The following IRF2 variants were observed in gnomAD, a reference collection of about 807,000 sequenced individuals.
The protein encoded by IRF2 is interferon regulatory factor 2.
In IRF2, 15 loss-of-function variants were observed where a neutral mutation model predicts 40.6. The observed-to-expected ratio is 0.37, with a 90% CI of 0.25 to 0.57. IRF2 has a LOEUF of 0.57. Among genes scored for constraint, IRF2 ranks in the 20% least tolerant of loss-of-function variants. The pLI is 0.77. For synonymous variants in IRF2, 151 were observed against 165.5 expected (o/e 0.91, Z 0.67); for missense variants, 317 against 455.7 (o/e 0.70, Z 2.77).
intron 1 of IRF2, 58 bp from the exon 2 acceptor site, chr4:184,429,128 T>C: frequency 7.4e-7 from 1 of 1,343,340 alleles, no homozygotes; most frequent in Non-Finnish European, 1.1e-6. Context: ...GTGTCTGCAC[T>C]GCAGAGTTCT....
chr4:184,456,081 G>C (rs1738913792), intron 1 of IRF2, among the ~76,000 whole-genome samples: 1 of 152,192 alleles, frequency 6.6e-6, no homozygotes, highest in Admixed American at 6.5e-5. Flanking sequence ...GTGGGTGCCT[G>C]CCCTGCGGCC....
chr4:184,463,707 A>G (rs115520993), intron 1 of IRF2, among the ~76,000 whole-genome samples: 5,518 of 152,062 alleles, frequency 0.036, 135 homozygotes, highest in Non-Finnish European at 0.043. Flanking sequence ...TGAACTCATA[A>G]TGGTCATGCC....
At chr4:184,451,991 A>T (rs1738730428) in intron 1 of IRF2, among the ~76,000 whole-genome samples, 1 of 152,250 alleles carries the variant, frequency 6.6e-6, no homozygotes, top group Admixed American at 6.5e-5. Flanking sequence ...GCACCAATAA[A>T]AACATACACA....
At chr4:184,404,960 A>G (rs1736798131) in intron 6 of IRF2, among the ~76,000 whole-genome samples, 1 of 152,194 alleles carries the variant, frequency 6.6e-6, no homozygotes, top group Non-Finnish European at 1.5e-5. Context: ...AACTCAGTAG[A>G]GGCCAGGCGC....
chr4:184,464,694 T>A (rs890654147), intron 1 of IRF2, among the ~76,000 whole-genome samples: 9 of 152,106 alleles, frequency 5.9e-5, no homozygotes, highest in Non-Finnish European at 1.2e-4. Context: ...AAGACGTATC[T>A]CCCTAGGCAT....
chr4:184,397,354 G>A lies in IRF2; in HGVS notation c.694+1561C>T, dbSNP rs372636483. Among the ~76,000 whole-genome samples, 29 of 152,294 alleles carry A rather than the reference G, an allele frequency of 1.9e-4. 1 individual carries two copies. The South Asian group carries it at 6.0e-3, about 32-fold the overall frequency. On this transcript the variant is annotated intron_variant, in intron 7 of 8. Coordinates refer to ENST00000393593, the MANE Select transcript of IRF2 (RefSeq NM_002199.4). Reference sequence around the variant, plus strand: ...GGCTGGGGTGGAGGAGGGAAAAGAGGACTTAGTGTTTAATGCAGACAGAGT... The same window carrying A: ...GGCTGGGGTGGAGGAGGGAAAAGAGAACTTAGTGTTTAATGCAGACAGAGT...
At chr4:184,457,477 T>G (rs1053469452) in intron 1 of IRF2, among the ~76,000 whole-genome samples, 3 of 152,258 alleles carry the variant, frequency 2.0e-5, no homozygotes, top group Non-Finnish European at 4.4e-5. Context: ...ATTCTCTAAC[T>G]TGGGTTTCTT....
In IRF2 at chr4:184,392,209, G is replaced by T. The variant is rs80230955; in HGVS notation, c.695-1460C>A. Reference sequence around the variant, plus strand: ...TAGGCATTTAGAGATCACTTAGCCTGAGCCATTCGTTTTACAGACAAGGCC... The same window carrying T: ...TAGGCATTTAGAGATCACTTAGCCTTAGCCATTCGTTTTACAGACAAGGCC... On this transcript the variant is annotated intron_variant, in intron 7 of 8. Transcript: ENST00000393593. Among the ~76,000 whole-genome samples, 1,448 of 152,316 alleles carry T rather than the reference G, an allele frequency of 9.5e-3. 27 individuals carry two copies. The highest frequency in any genetic ancestry group is 0.033 in the African/African-American group (1,387 of 41,568).
intron 6 of IRF2, among the ~76,000 whole-genome samples, chr4:184,402,987 C>G (rs1325598585): frequency 2.0e-5 from 3 of 152,120 alleles, no homozygotes; most frequent in African/African-American, 2.4e-5. Context: ...TTAGGTGTAT[C>G]CTGAATGCGG....
chr4:184,409,353 G>A (rs749823316), intron 5 of IRF2, among the ~76,000 whole-genome samples: 22 of 152,086 alleles, frequency 1.4e-4, no homozygotes, highest in Non-Finnish European at 2.5e-4. Context: ...AACGGAAGGA[G>A]GGGAAATAAC....
At chr4:184,469,068 C>T (rs891465268) in intron 1 of IRF2, among the ~76,000 whole-genome samples, 4 of 152,176 alleles carry the variant, frequency 2.6e-5, no homozygotes, top group Admixed American at 1.3e-4. Flanking sequence ...AATAATAACA[C>T]AATGTGTGCA....
At chr4:184,423,444 T>TC (rs1356506156) in intron 2 of IRF2, among the ~76,000 whole-genome samples, 1 of 152,098 alleles carries the variant, frequency 6.6e-6, no homozygotes, top group African/African-American at 2.4e-5. Context: ...TGCCTCTTCT[T>TC]CCCCCCAACA....
chr4:184,465,237 G>A lies in IRF2; in HGVS notation c.-7+9142C>T, dbSNP rs1739279727. Reference sequence around the variant, plus strand: ...TGTCTGAGGACAAAGGCTTCCAAGAGCCTGGCCAGGAAAGCCCTGGCTCTA... The same window carrying A: ...TGTCTGAGGACAAAGGCTTCCAAGAACCTGGCCAGGAAAGCCCTGGCTCTA... On this transcript the variant is annotated intron_variant, in intron 1 of 8. Coordinates refer to ENST00000393593, the MANE Select transcript of IRF2 (RefSeq NM_002199.4). Among the ~76,000 whole-genome samples, 4 of 152,292 alleles carry A rather than the reference G, an allele frequency of 2.6e-5. 1 individual carries two copies. In the South Asian group the frequency reaches 8.3e-4, roughly 32 times the overall value.
chr4:184,404,139 C>T (rs1231489185), intron 6 of IRF2, among the ~76,000 whole-genome samples: 2 of 152,114 alleles, frequency 1.3e-5, no homozygotes, highest in East Asian at 3.8e-4. Context: ...TGGTTTGGTC[C>T]TACCATTTTA....
In IRF2 at chr4:184,388,775, G is replaced by C. The variant is rs773746266; in HGVS notation, c.1033C>G (p.Arg345Gly). ...TCAGAGGCTTAACAGCTCTTGACGC[G>C]GGCCTGGGTGATATCCGATGTTTTC... is the stretch of plus-strand genomic sequence containing the variant. Reference protein sequence around the residue: ...IKKTSDITQARVKSC With the variant: ...IKKTSDITQAGVKSC Residue 345 changes from arginine to glycine, a missense_variant, in exon 9 of 9, where the codon CGC (arginine) becomes GGC (glycine). Transcript: ENST00000393593. This position sits in a 1 kb window ranked among gnomAD's most constrained non-coding sequence, Gnocchi z 4.6. 3 of 1,611,448 alleles carry C rather than the reference G, an allele frequency of 1.9e-6. No individual in the cohort carries two copies. The highest frequency in any genetic ancestry group is 2.5e-6 in the Non-Finnish European group (3 of 1,179,708).
Position 184,405,928 on chromosome 4 carries a change from C to G in IRF2, c.529+2230G>C, listed in dbSNP as rs774930748. Among the ~76,000 whole-genome samples the G allele has an allele frequency of 9.2e-5, 14 of 152,100 alleles. 1 individual carries two copies. Among genetic ancestry groups the G allele is most frequent in the Admixed American group, 1.3e-4 (2 of 15,278 alleles). On this transcript the variant is annotated intron_variant, in intron 6 of 8. Transcript: ENST00000393593. ...TTGGCACCTGGTGACTGAGGAGTGG[C>G]CCCACAGTCTCACCTCAGTGCCCAG...
intron 1 of IRF2, among the ~76,000 whole-genome samples, chr4:184,450,512 A>G (rs145468344): frequency 9.2e-5 from 14 of 152,378 alleles, no homozygotes; most frequent in African/African-American, 3.4e-4. Context: ...ATTTCTGCTT[A>G]TTAGAAAGTG....
intron 7 of IRF2, among the ~76,000 whole-genome samples, chr4:184,394,165 G>A (rs1272357108): frequency 6.7e-6 from 1 of 149,838 alleles, no homozygotes; most frequent in Non-Finnish European, 1.5e-5. Context: ...AGGCACATGA[G>A]TAATTCACTT....
chr4:184,402,035 C>T (rs1206984195), intron 6 of IRF2, among the ~76,000 whole-genome samples: 3 of 152,202 alleles, frequency 2.0e-5, no homozygotes, highest in Middle Eastern at 3.2e-3. Context: ...TTATGGAACA[C>T]CTGCTTGCAC....
Sources: allele counts gnomAD v4.1 joint callset (sites outside exome capture counted in the v4.1 genomes callset), GRCh38; gene constraint gnomAD v4.1.1; non-coding constraint Gnocchi (gnomAD v3.1); transcripts MANE v1.5; gene names NCBI Gene and HGNC (gene_info 2026-07-23, HGNC 2026-07-21).